The following TRIM2 variants were observed in gnomAD, a reference collection of about 807,000 sequenced individuals.
TRIM2 encodes the protein tripartite motif containing 2.
In TRIM2, 20 loss-of-function variants were observed where a neutral mutation model predicts 75.2. That is an observed-to-expected ratio of 0.27 (90% CI 0.19 to 0.39). The LOEUF (loss-of-function observed/expected upper bound fraction) is 0.39, where lower values mean the gene tolerates loss of function less well. Ranked by LOEUF, TRIM2 falls within the 10% of genes least tolerant of loss-of-function variation. The pLI, the probability that TRIM2 is intolerant of heterozygous loss-of-function variation, is 1.00. For synonymous variants in TRIM2, 373 were observed against 388.3 expected, an observed-to-expected ratio of 0.96 and a Z score of 0.46; for missense variants, 660 against 990.8, an observed-to-expected ratio of 0.67 and a Z score of 4.48.
chr4:153,322,041 G>A (rs962757528), intron 8 of TRIM2, among the ~76,000 whole-genome samples: 1 of 152,140 alleles, frequency 6.6e-6, no homozygotes, highest in Non-Finnish European at 1.5e-5. Flanking sequence ...AGATCACACC[G>A]CCTCTTCAGC....
Position 153,315,862 on chromosome 4 carries a change from C to T in TRIM2, c.1645C>T (p.Arg549Cys). 1.9e-6 allele frequency: 3 copies of T among 1,614,080 alleles called. No individual in the cohort carries two copies. The highest frequency in any genetic ancestry group is 1.1e-5 in the South Asian group (1 of 91,054). Reference sequence around the variant, plus strand: ...TTCCAATGATGGCCAGTTCAAAAGTCGTTTTGGCATACGGGGACGCTCTCC... The same window carrying T: ...TTCCAATGATGGCCAGTTCAAAAGTTGTTTTGGCATACGGGGACGCTCTCC... Reference protein sequence around the residue: ...IFSNDGQFKSRFGIRGRSPGQ... With the variant: ...IFSNDGQFKSCFGIRGRSPGQ... The change falls in exon 8 of 12, where the codon CGT (arginine) becomes TGT (cysteine). Residue 549 changes from arginine to cysteine, a missense_variant. This residue lies in a region of TRIM2 where 620 missense variants were observed against 891.0 expected (regional missense o/e 0.70). Coordinates refer to ENST00000338700, the MANE Select transcript of TRIM2 (RefSeq NM_015271.5).
chr4:153,237,794 GAATGGTTATACA>G (rs1424467624), intron 1 of TRIM2, among the ~76,000 whole-genome samples: 4 of 152,158 alleles, frequency 2.6e-5, no homozygotes, highest in Admixed American at 6.5e-5. Context: ...GGACATCTAT[GAATGGTTATACA>G]AATGGTTATA....
At chr4:153,239,678 T>C (rs1363467266) in intron 1 of TRIM2, among the ~76,000 whole-genome samples, 2 of 152,180 alleles carry the variant, frequency 1.3e-5, no homozygotes, top group Non-Finnish European at 2.9e-5. Context: ...TTCTGTCTTC[T>C]TCTCTCTTGC....
chr4:153,183,453 G>A (rs1732277741), intron 1 of TRIM2, among the ~76,000 whole-genome samples: 1 of 152,226 alleles, frequency 6.6e-6, no homozygotes, highest in Non-Finnish European at 1.5e-5. Flanking sequence ...GAGCATGTCT[G>A]AGGCTCCAGC....
rs966127265 is a variant in TRIM2 at position 153,338,935 on chromosome 4, A to G, written c.*3969A>G. 1 of 980,874 alleles carries G rather than the reference A, an allele frequency of 1.0e-6. No homozygotes were observed. The highest frequency in any genetic ancestry group is 1.8e-5 in the African/African-American group (1 of 55,560). 60.8% of individuals were successfully genotyped at this position (980,874 alleles called of 1,614,324 possible). A position where few individuals can be genotyped will look rare whatever the true frequency, so the allele number is the denominator to read the frequency against. Reference sequence around the variant, plus strand: ...CTCAATTCTATAGACTTTCAAGCCTATGTATGAATATGAAGGGGTTTTTTT... The same window carrying G: ...CTCAATTCTATAGACTTTCAAGCCTGTGTATGAATATGAAGGGGTTTTTTT... On this transcript the variant is annotated 3_prime_UTR_variant, in exon 12 of 12. Transcript: ENST00000338700.
chr4:153,224,606 G>A (rs886634458), intron 1 of TRIM2, among the ~76,000 whole-genome samples: 3 of 152,152 alleles, frequency 2.0e-5, no homozygotes, highest in Non-Finnish European at 4.4e-5. Flanking sequence ...TTAGATGACT[G>A]TCTCTTATCA....
chr4:153,269,399 C>T (rs771547685), intron 1 of TRIM2, among the ~76,000 whole-genome samples: 21 of 152,154 alleles, frequency 1.4e-4, no homozygotes, highest in Non-Finnish European at 2.2e-4. Context: ...ACTTCTCTTC[C>T]TGGCTCTGGA....
chr4:153,276,945 C>T (rs1467421566), intron 3 of TRIM2, among the ~76,000 whole-genome samples: 1 of 152,180 alleles, frequency 6.6e-6, no homozygotes, highest in Non-Finnish European at 1.5e-5. Flanking sequence ...TAAATGTCAG[C>T]TTTAACATTT....
chr4:153,291,526 C>T (rs1761837169), intron 3 of TRIM2, among the ~76,000 whole-genome samples: 1 of 152,114 alleles, frequency 6.6e-6, no homozygotes. Flanking sequence ...CATCAAGCTG[C>T]ATTAAGATTT....
intron 8 of TRIM2, 40 bp from the exon 9 acceptor site, chr4:153,322,608 C>G: frequency 1.3e-6 from 2 of 1,599,314 alleles, no homozygotes; most frequent in Non-Finnish European, 1.7e-6. Context: ...TAAACTTTGA[C>G]TCTATACTGT....
At chr4:153,269,604 G>A (rs1167854337) in intron 1 of TRIM2, among the ~76,000 whole-genome samples, 1 of 152,084 alleles carries the variant, frequency 6.6e-6, no homozygotes, top group Non-Finnish European at 1.5e-5. Context: ...TACGATAGTT[G>A]GAAAAACATA....
intron 1 of TRIM2, among the ~76,000 whole-genome samples, chr4:153,230,234 A>G (rs909076036): frequency 6.6e-6 from 1 of 152,064 alleles, no homozygotes; most frequent in African/African-American, 2.4e-5. Context: ...AGGCTGGAGT[A>G]CAGTGGCTTG....
intron 1 of TRIM2, among the ~76,000 whole-genome samples, chr4:153,242,965 G>A (rs1255593493): frequency 6.6e-6 from 1 of 152,252 alleles, no homozygotes; most frequent in East Asian, 1.9e-4. Context: ...GCATGAGTGG[G>A]AGGTGAGCAT....
chr4:153,231,459 A>G (rs1284713769), intron 1 of TRIM2, among the ~76,000 whole-genome samples: 1 of 152,162 alleles, frequency 6.6e-6, no homozygotes, highest in African/African-American at 2.4e-5. Flanking sequence ...GAAGGGCACA[A>G]TGGGCATTGG....
intron 1 of TRIM2, among the ~76,000 whole-genome samples, chr4:153,254,075 G>T (rs374277635): frequency 4.7e-4 from 72 of 152,308 alleles, no homozygotes; most frequent in African/African-American, 1.6e-3. Flanking sequence ...CTTATGAACA[G>T]AGTGTGACTA....
At chr4:153,255,431 G>T (rs1025333386) in intron 1 of TRIM2, among the ~76,000 whole-genome samples, 3 of 152,162 alleles carry the variant, frequency 2.0e-5, no homozygotes, top group African/African-American at 7.2e-5. Context: ...GTGCTGGGGG[G>T]CGGGGTCAGC....
intron 1 of TRIM2, among the ~76,000 whole-genome samples, chr4:153,215,693 C>G (rs1738297574): frequency 6.6e-6 from 1 of 151,584 alleles, no homozygotes. Flanking sequence ...TGGGGGTTTG[C>G]AAGAAAAAAG....
In TRIM2 at chr4:153,337,640, G is replaced by A; in HGVS notation, c.*2674G>A. 2.0e-6 allele frequency: 2 copies of A among 985,788 alleles called. No individual in the cohort carries two copies. The highest frequency in any genetic ancestry group is 2.4e-6 in the Non-Finnish European group (2 of 829,930). The allele number at this position is 985,788 out of a possible 1,614,324, so 61.1% of individuals were successfully genotyped here. A position where few individuals can be genotyped will look rare whatever the true frequency, so the allele number is the denominator to read the frequency against. ...AAGTGCTGCTGATATGATACAAGTA[G>A]ACAAAATTTAAATGAAATTTTGTCA... is the stretch of plus-strand genomic sequence containing the variant. On this transcript the variant is annotated 3_prime_UTR_variant, in exon 12 of 12. Transcript: ENST00000338700.
At chr4:153,254,923 T>C (rs10033365) in intron 1 of TRIM2, among the ~76,000 whole-genome samples, 64,276 of 152,042 alleles carry the variant, frequency 0.42, 16,161 homozygotes, top group African/African-American at 0.71. Context: ...GTTCCACCTT[T>C]ACCCCAGGCT....
Sources: allele counts gnomAD v4.1 joint callset (sites outside exome capture counted in the v4.1 genomes callset), GRCh38; gene constraint gnomAD v4.1.1; regional missense constraint gnomAD v4.1.1; transcripts MANE v1.5; gene names NCBI Gene and HGNC (gene_info 2026-07-23, HGNC 2026-07-21).